SPTLC3: variants seen among roughly 807,000 people sequenced by gnomAD.
SPTLC3 encodes serine palmitoyltransferase long chain base subunit 3.
SPTLC3 carries 36 observed loss-of-function variants against 59.3 expected under a neutral mutation model. That is an observed-to-expected ratio of 0.61 (90% CI 0.47 to 0.80). The LOEUF is 0.80. Among genes scored for constraint, SPTLC3 ranks in the 30% least tolerant of loss-of-function variants. The probability of loss-of-function intolerance (pLI) is 0.00; values close to 1 mark genes in which losing one functional copy is unlikely to be tolerated. For synonymous variants in SPTLC3, 257 were observed against 240.8 expected (o/e 1.07, Z -0.62); for missense variants, 625 against 685.1 (o/e 0.91, Z 0.98).
At chr20:13,138,661 A>G (rs1215272017) in intron 9 of SPTLC3, among the ~76,000 whole-genome samples, 1 of 152,200 alleles carries the variant, frequency 6.6e-6, no homozygotes, top group African/African-American at 2.4e-5. Flanking sequence ...GAGGTTACTT[A>G]TAGAATTATT....
chr20:13,104,566 C>T (rs937730706), intron 6 of SPTLC3, among the ~76,000 whole-genome samples: 1 of 152,044 alleles, frequency 6.6e-6, no homozygotes, highest in Non-Finnish European at 1.5e-5. Context: ...TTATCAGTAG[C>T]GTGAAAATGG....
chr20:13,014,687 C>T (rs1191543042), intron 1 of SPTLC3, among the ~76,000 whole-genome samples: 1 of 151,682 alleles, frequency 6.6e-6, no homozygotes, highest in Admixed American at 6.6e-5. Flanking sequence ...GGAAGGAAGC[C>T]GATACGCTCA....
chr20:13,057,987 T>C (rs781661317), intron 2 of SPTLC3, among the ~76,000 whole-genome samples: 1 of 152,194 alleles, frequency 6.6e-6, no homozygotes, highest in Non-Finnish European at 1.5e-5. Context: ...ATGGTCCCAA[T>C]ATCAAACAAG....
chr20:13,147,638 T>C (rs1418268300), intron 9 of SPTLC3, among the ~76,000 whole-genome samples: 1 of 152,198 alleles, frequency 6.6e-6, no homozygotes, highest in Non-Finnish European at 1.5e-5. Flanking sequence ...AATTTGATTT[T>C]CCCTGGGTTA....
intron 2 of SPTLC3, among the ~76,000 whole-genome samples, chr20:13,063,669 T>A (rs992646419): frequency 5.5e-5 from 5 of 90,772 alleles, no homozygotes; most frequent in East Asian, 3.4e-4. Context: ...TTATTTATTT[T>A]TTGAGACAGG....
intron 10 of SPTLC3, 135 bp downstream of exon 10, chr20:13,154,273 G>A: frequency 8.7e-7 from 1 of 1,155,266 alleles, no homozygotes; most frequent in Non-Finnish European, 1.2e-6. Flanking sequence ...CTTCTCGGAA[G>A]CCACCTGTCA....
At chr20:13,149,276 G>A (rs965803951) in intron 9 of SPTLC3, among the ~76,000 whole-genome samples, 7 of 152,228 alleles carry the variant, frequency 4.6e-5, no homozygotes, top group African/African-American at 1.7e-4. Flanking sequence ...TGTGGCCGCA[G>A]TGCCCAATCT....
chr20:13,039,832 A>G (rs1986895063), intron 1 of SPTLC3, among the ~76,000 whole-genome samples: 1 of 151,992 alleles, frequency 6.6e-6, no homozygotes, highest in African/African-American at 2.4e-5. Flanking sequence ...ACCAAAATCA[A>G]CCGCAAATTT....
At chr20:13,056,671 A>G (rs1376670701) in intron 2 of SPTLC3, among the ~76,000 whole-genome samples, 1 of 151,532 alleles carries the variant, frequency 6.6e-6, no homozygotes, top group African/African-American at 2.4e-5. Flanking sequence ...GCTGGTCTCA[A>G]ACTGCTGACC....
intron 8 of SPTLC3, among the ~76,000 whole-genome samples, chr20:13,121,161 C>G (rs2037857506): frequency 6.6e-6 from 1 of 152,212 alleles, no homozygotes; most frequent in Admixed American, 6.5e-5. Context: ...CACCTGCATG[C>G]CTGGTGCCGA....
rs576705409 is a variant in SPTLC3 at position 13,167,738 on chromosome 20, C to G, written c.*2871C>G. 7.2e-5 allele frequency: 11 copies of G among 152,306 alleles called. No individual in the cohort carries two copies. Among genetic ancestry groups the G allele is most frequent in the African/African-American group, 1.9e-4 (8 of 41,568 alleles). 9.4% of individuals were successfully genotyped at this position (152,306 alleles called of 1,614,324 possible). A position where few individuals can be genotyped will look rare whatever the true frequency, so the allele number is the denominator to read the frequency against. On this transcript the variant is annotated 3_prime_UTR_variant, in exon 12 of 12. Transcript: ENST00000399002. ...CAGAGACGACAGGCTTTGGAATTTACTAGGAAGCTGGCTAAAATCCATACC... is the reference window on the plus strand; with the variant it reads ...CAGAGACGACAGGCTTTGGAATTTAGTAGGAAGCTGGCTAAAATCCATACC...
intron 9 of SPTLC3, among the ~76,000 whole-genome samples, chr20:13,127,542 C>G (rs1359256494): frequency 1.3e-5 from 2 of 152,182 alleles, no homozygotes; most frequent in African/African-American, 4.8e-5. Flanking sequence ...GTATGGGGTA[C>G]TCCATCAGTT....
chr20:13,049,328 A>G (rs751666903), intron 2 of SPTLC3, 198 bp downstream of exon 2: 11 of 587,734 alleles, frequency 1.9e-5, no homozygotes, highest in Non-Finnish European at 3.4e-5. Context: ...TCTCATGGGC[A>G]ACTACTATTT....
At chr20:13,012,427 T>C (rs1036993109) in intron 1 of SPTLC3, among the ~76,000 whole-genome samples, 1 of 152,152 alleles carries the variant, frequency 6.6e-6, no homozygotes, top group African/African-American at 2.4e-5. Flanking sequence ...CCTATAAAGA[T>C]AAATAAGAAG....
intron 1 of SPTLC3, among the ~76,000 whole-genome samples, chr20:13,044,453 C>T (rs372179122): frequency 1.3e-5 from 2 of 152,138 alleles, no homozygotes; most frequent in Non-Finnish European, 2.9e-5. Flanking sequence ...TATCCTTGGT[C>T]TCCTGTCTTT....
intron 2 of SPTLC3, among the ~76,000 whole-genome samples, chr20:13,065,265 G>T (rs1421234003): frequency 7.2e-5 from 10 of 138,202 alleles, no homozygotes; most frequent in African/African-American, 8.0e-5. Context: ...ATTTGTTAGA[G>T]TTTTTTTTTT....
chr20:13,082,897 G>C (rs771888309), intron 4 of SPTLC3, among the ~76,000 whole-genome samples: 24 of 152,076 alleles, frequency 1.6e-4, no homozygotes, highest in Non-Finnish European at 3.1e-4. Context: ...ACTTGAAGAA[G>C]ACCAAGGACA....
Position 13,169,005 on chromosome 20 carries a change from GAAATGT to G in SPTLC3, c.*4140_*4145del, listed in dbSNP as rs1037495687. 2 of 144,440 alleles carry G rather than the reference GAAATGT, an allele frequency of 1.4e-5. No homozygotes were observed. The highest frequency in any genetic ancestry group is 5.1e-5 in the African/African-American group (2 of 39,544). The allele number at this position is 144,440 out of a possible 1,614,324, so 8.9% of individuals were successfully genotyped here. Reference sequence around the variant, plus strand: ...TTTGTGTGTGTGAGAAGGACAGAGAGAAATGTATGTTTCACTGAAACATTTGAAACG... The same window carrying G: ...TTTGTGTGTGTGAGAAGGACAGAGAGATGTTTCACTGAAACATTTGAAACG... On this transcript the variant is annotated 3_prime_UTR_variant, in exon 12 of 12. Coordinates refer to ENST00000399002, the MANE Select transcript of SPTLC3 (RefSeq NM_018327.4).
At chr20:13,017,402 G>A (rs1248818183) in intron 1 of SPTLC3, among the ~76,000 whole-genome samples, 6 of 152,174 alleles carry the variant, frequency 3.9e-5, no homozygotes, top group Non-Finnish European at 1.5e-5. Context: ...GAGCTTGAGA[G>A]ATAGTCTGGC....
Sources: gnomAD v4.1 joint callset for allele counts (sites outside exome capture counted in the v4.1 genomes callset) on GRCh38, gnomAD v4.1.1 for gene constraint, MANE v1.5 for transcripts, NCBI Gene and HGNC (gene_info 2026-07-23, HGNC 2026-07-21) for gene names.